VEPH1: variants seen among roughly 807,000 people sequenced by gnomAD.
The protein encoded by VEPH1 is ventricular zone expressed PH domain containing 1, also known as ventricular zone-expressed PH domain-containing protein homolog 1.
Under a neutral mutation model 85.2 loss-of-function variants are expected in VEPH1, and 80 were observed. The observed-to-expected ratio is 0.94, with a 90% CI of 0.78 to 1.13. The LOEUF is 1.13. Among genes scored for constraint, VEPH1 ranks in the 50% most tolerant of loss-of-function variants. The probability of loss-of-function intolerance (pLI) is 0.00; values close to 1 mark genes in which losing one functional copy is unlikely to be tolerated. For missense variants in VEPH1, 955 were observed against 980.5 expected (o/e 0.97, Z 0.35); for synonymous variants, 297 against 348.0 (o/e 0.85, Z 1.63).
chr3:157,315,289 C>A (rs890978913), intron 10 of VEPH1, among the ~76,000 whole-genome samples: 1 of 151,864 alleles, frequency 6.6e-6, no homozygotes, highest in African/African-American at 2.4e-5. Context: ...TCTTAATGCT[C>A]AAGTTAGTGA....
At chr3:157,443,594 C>T (rs893668750) in intron 4 of VEPH1, 9 of 152,480 alleles carry the variant, frequency 5.9e-5, no homozygotes, top group Admixed American at 1.3e-4. Flanking sequence ...AACTAGCTCA[C>T]GTCATTTAAT....
At chr3:157,370,801 A>G (rs1467237202) in intron 7 of VEPH1, among the ~76,000 whole-genome samples, 2 of 152,224 alleles carry the variant, frequency 1.3e-5, no homozygotes, top group Non-Finnish European at 2.9e-5. Context: ...AGTTTTCAAA[A>G]GGAGACAGTT....
intron 10 of VEPH1, among the ~76,000 whole-genome samples, chr3:157,314,485 T>G (rs1343476305): frequency 1.3e-5 from 2 of 152,066 alleles, no homozygotes; most frequent in Non-Finnish European, 2.9e-5. Flanking sequence ...ATGCCTAACC[T>G]TTGTAATATA....
At chr3:157,438,270 A>T (rs1451692282) in intron 4 of VEPH1, among the ~76,000 whole-genome samples, 2 of 151,910 alleles carry the variant, frequency 1.3e-5, no homozygotes, top group Non-Finnish European at 2.9e-5. Flanking sequence ...GCCCGTTATA[A>T]CCGTGATCCC....
chr3:157,492,634 G>T (rs1042723247), intron 2 of VEPH1, among the ~76,000 whole-genome samples: 1 of 152,112 alleles, frequency 6.6e-6, no homozygotes, highest in Admixed American at 6.6e-5. Flanking sequence ...ATTGTTGGGG[G>T]CAGAGAACAG....
intron 3 of VEPH1, among the ~76,000 whole-genome samples, chr3:157,464,005 C>A (rs139214293): frequency 5.3e-5 from 8 of 152,298 alleles, no homozygotes; most frequent in African/African-American, 1.7e-4. Context: ...TGGTGCTGGA[C>A]AAACATGCCA....
intron 1 of VEPH1, among the ~76,000 whole-genome samples, chr3:157,502,461 G>A (rs1410419878): frequency 6.6e-6 from 1 of 151,970 alleles, no homozygotes; most frequent in African/African-American, 2.4e-5. Flanking sequence ...GACTTTGTTG[G>A]TCATTTTTGC....
In VEPH1 at chr3:157,282,644, A is replaced by G. The variant is rs142544534; in HGVS notation, c.2128+3913T>C. The stretch of plus-strand genomic sequence containing the variant: ...TCTCATGTGTCTCGAGAAATGAGTG[A>G]AAGTCATGACCCAGTTCTTCCTCCT... On this transcript the variant is annotated intron_variant, in intron 12 of 13. Transcript: ENST00000362010. 4.2e-3 allele frequency among the ~76,000 whole-genome samples: 633 copies of G among 152,298 alleles called. 9 individuals carry two copies. Among genetic ancestry groups the G allele is most frequent in the African/African-American group, 0.014 (600 of 41,562 alleles).
At chr3:157,331,497 T>C (rs761989901) in intron 9 of VEPH1, among the ~76,000 whole-genome samples, 1 of 152,190 alleles carries the variant, frequency 6.6e-6, no homozygotes, top group Non-Finnish European at 1.5e-5. Context: ...CTCACTTCAC[T>C]TACTAAATCT....
chr3:157,424,010 T>C (rs1732550139), intron 5 of VEPH1, among the ~76,000 whole-genome samples: 1 of 152,094 alleles, frequency 6.6e-6, no homozygotes, highest in Non-Finnish European at 1.5e-5. Flanking sequence ...TGTGCACACA[T>C]GTTGGTTGAT....
chr3:157,428,760 G>A (rs1456837661), intron 4 of VEPH1, among the ~76,000 whole-genome samples: 1 of 152,150 alleles, frequency 6.6e-6, no homozygotes, highest in African/African-American at 2.4e-5. Flanking sequence ...GAGGAACTTT[G>A]ACAGTAATCA....
intron 10 of VEPH1, chr3:157,315,966 C>G (rs561144103): frequency 6.6e-6 from 1 of 152,130 alleles, no homozygotes; most frequent in South Asian, 2.1e-4. Context: ...TATTCACATA[C>G]AATTTGGTTC....
chr3:157,289,492 C>T (rs1717210177), intron 11 of VEPH1, among the ~76,000 whole-genome samples: 1 of 152,172 alleles, frequency 6.6e-6, no homozygotes, highest in Admixed American at 6.5e-5. Flanking sequence ...TAATAGCACA[C>T]TTCGAATGGA....
intron 9 of VEPH1, among the ~76,000 whole-genome samples, chr3:157,356,043 G>A (rs2108740216): frequency 6.6e-6 from 1 of 151,974 alleles, no homozygotes; most frequent in African/African-American, 2.4e-5. Flanking sequence ...GGGACTACAA[G>A]TGCACATCAT....
chr3:157,322,525 G>A (rs927671931), intron 9 of VEPH1, among the ~76,000 whole-genome samples: 3 of 152,066 alleles, frequency 2.0e-5, no homozygotes, highest in African/African-American at 7.2e-5. Flanking sequence ...TAGATTTTTT[G>A]AGGAAATTTC....
At chr3:157,482,476 GC>G (rs1470124484) in intron 2 of VEPH1, among the ~76,000 whole-genome samples, 1 of 152,134 alleles carries the variant, frequency 6.6e-6, no homozygotes, top group African/African-American at 2.4e-5. Flanking sequence ...ACCTGCCTTG[GC>G]CCCCCAAAGT....
At chr3:157,353,243 C>T (rs1725070162) in intron 9 of VEPH1, among the ~76,000 whole-genome samples, 1 of 151,294 alleles carries the variant, frequency 6.6e-6, no homozygotes, top group Admixed American at 6.6e-5. Flanking sequence ...CTCTCGCTTT[C>T]TTCTCTGCCT....
intron 2 of VEPH1, among the ~76,000 whole-genome samples, chr3:157,483,558 T>G (rs1295827428): frequency 6.6e-6 from 1 of 152,134 alleles, no homozygotes; most frequent in African/African-American, 2.4e-5. Context: ...GTCACTTTTT[T>G]AAAAACCAGA....
rs184762045 is a variant in VEPH1 at position 157,497,701 on chromosome 3, C to G, written c.-157-2195G>C. ...TACGTGCTGGTACAGAGGAGCACCC[C>G]CAGGCTTTTCCTGGGCTCTTTCTGC... On this transcript the variant is annotated intron_variant, in intron 1 of 13. Coordinates refer to ENST00000362010, the MANE Select transcript of VEPH1 (RefSeq NM_001167912.2). Among the ~76,000 whole-genome samples, 273 of 152,282 alleles carry G rather than the reference C, an allele frequency of 1.8e-3. 1 individual carries two copies. The highest frequency in any genetic ancestry group is 6.4e-3 in the African/African-American group (264 of 41,556).
Sources: gnomAD v4.1 joint callset for allele counts (sites outside exome capture counted in the v4.1 genomes callset) on GRCh38, gnomAD v4.1.1 for gene constraint, MANE v1.5 for transcripts, NCBI Gene and HGNC (gene_info 2026-07-23, HGNC 2026-07-21) for gene names.